Variants in ZYG11B observed in about 807,000 individuals in gnomAD.
The protein encoded by ZYG11B is zyg-11 family member B, cell cycle regulator.
A neutral mutation model predicts 82.4 loss-of-function variants in ZYG11B; 36 were observed. The observed-to-expected ratio is 0.44, with a 90% CI of 0.33 to 0.58. ZYG11B has a LOEUF of 0.58. Ranked by LOEUF, ZYG11B falls within the 20% of genes least tolerant of loss-of-function variation. The probability of loss-of-function intolerance (pLI) is 0.02; values close to 1 mark genes in which losing one functional copy is unlikely to be tolerated. For missense variants in ZYG11B, 552 were observed against 895.6 expected, an observed-to-expected ratio of 0.62 and a Z score of 4.90; for synonymous variants, 303 against 312.8, an observed-to-expected ratio of 0.97 and a Z score of 0.33.
At chr1:52,751,155 T>C (rs1396180211) in intron 1 of ZYG11B, among the ~76,000 whole-genome samples, 1 of 151,958 alleles carries the variant, frequency 6.6e-6, no homozygotes, top group African/African-American at 2.4e-5. Context: ...AATTTTTGTG[T>C]TTTTTGTAGA....
intron 8 of ZYG11B, among the ~76,000 whole-genome samples, chr1:52,797,395 A>AT (rs1491213859): frequency 1.2e-5 from 1 of 85,774 alleles, no homozygotes; most frequent in Non-Finnish European, 2.1e-5. Context: ...CATATATATC[A>AT]TATATGAAAT....
intron 1 of ZYG11B, among the ~76,000 whole-genome samples, chr1:52,747,865 T>C (rs1412132770): frequency 1.3e-5 from 2 of 152,172 alleles, no homozygotes; most frequent in African/African-American, 4.8e-5. Flanking sequence ...TCTGTAATCT[T>C]GAGCAAATTA....
At chr1:52,769,824 C>G (rs888227370) in intron 2 of ZYG11B, among the ~76,000 whole-genome samples, 3 of 152,146 alleles carry the variant, frequency 2.0e-5, no homozygotes, top group Non-Finnish European at 4.4e-5. Flanking sequence ...ATTTATTTAC[C>G]TGTCCTCAAC....
intron 6 of ZYG11B, 139 bp from the exon 7 acceptor site, chr1:52,796,153 T>A: frequency 1.8e-6 from 1 of 569,904 alleles, no homozygotes; most frequent in Non-Finnish European, 3.2e-6. Flanking sequence ...CTAAGTGTAA[T>A]TGTTACTCTC....
chr1:52,803,153 T>C (rs113161237), intron 10 of ZYG11B, among the ~76,000 whole-genome samples: 2,924 of 37,878 alleles, frequency 0.077, 181 homozygotes, highest in East Asian at 0.26. Context: ...TATATATATA[T>C]ACACATATAT....
At chr1:52,811,383 T>G (rs1206008845) in intron 10 of ZYG11B, among the ~76,000 whole-genome samples, 1 of 152,206 alleles carries the variant, frequency 6.6e-6, no homozygotes, top group African/African-American at 2.4e-5. Context: ...CTTCTCGACA[T>G]TATCCCACAG....
chr1:52,735,477 G>A (rs1644371515), intron 1 of ZYG11B, among the ~76,000 whole-genome samples: 2 of 152,160 alleles, frequency 1.3e-5, no homozygotes, highest in Non-Finnish European at 2.9e-5. Context: ...AAAAGAAATT[G>A]TATAGTAACT....
At chr1:52,751,999 A>G (rs1278662358) in intron 1 of ZYG11B, among the ~76,000 whole-genome samples, 1 of 151,280 alleles carries the variant, frequency 6.6e-6, no homozygotes, top group Non-Finnish European at 1.5e-5. Context: ...CAATTCTCCT[A>G]TTCTCAGCAG....
At chr1:52,815,761 C>T (rs1315092639) in intron 12 of ZYG11B, among the ~76,000 whole-genome samples, 1 of 151,934 alleles carries the variant, frequency 6.6e-6, no homozygotes, top group Non-Finnish European at 1.5e-5. Context: ...GGTGAAACCC[C>T]GTCTCTACTA....
chr1:52,797,445 T>TATCATATATAA (rs1645033946), intron 8 of ZYG11B, among the ~76,000 whole-genome samples: 1 of 108,404 alleles, frequency 9.2e-6, no homozygotes, highest in African/African-American at 3.6e-5. Context: ...AACATATATA[T>TATCATATATAA]TATATATCAT....
rs1291563833 is a variant in ZYG11B, at chr1:52,817,765, GTATATATATGTGTA to G, written c.2044+1146_2044+1159del. 1.1e-3 allele frequency among the ~76,000 whole-genome samples: 68 copies of G among 60,030 alleles called. 1 individual carries two copies. Among genetic ancestry groups the G allele is most frequent in the African/African-American group, 5.9e-3 (65 of 11,020 alleles). The allele number at this position is 60,030 out of a possible 152,430, so 39.4% of individuals were successfully genotyped here. ...CAGAACCACTTTAATAGTAAAGTGTGTATATATATGTGTATATATATATATATATATATATATAT... is the reference window on the plus strand; with the variant it reads ...CAGAACCACTTTAATAGTAAAGTGTGTATATATATATATATATATATATAT... On this transcript the variant is annotated intron_variant, in intron 13 of 13. Coordinates refer to ENST00000294353, the MANE Select transcript of ZYG11B (RefSeq NM_024646.3).
chr1:52,805,764 G>C (rs1645137008), intron 10 of ZYG11B, among the ~76,000 whole-genome samples: 1 of 152,156 alleles, frequency 6.6e-6, no homozygotes, highest in East Asian at 1.9e-4. Context: ...GGGAGGCAGA[G>C]GCTGCAGTGA....
At chr1:52,792,380 T>C (rs1275774741) in intron 6 of ZYG11B, among the ~76,000 whole-genome samples, 1 of 152,188 alleles carries the variant, frequency 6.6e-6, no homozygotes, top group Non-Finnish European at 1.5e-5. Flanking sequence ...GCACTTGAGA[T>C]AAAAACGGTA....
At chr1:52,729,407 A>C (rs896706612) in intron 1 of ZYG11B, among the ~76,000 whole-genome samples, 1 of 152,236 alleles carries the variant, frequency 6.6e-6, no homozygotes, top group Non-Finnish European at 1.5e-5. Context: ...TGCTTGTTAA[A>C]ACATATACAC....
At chr1:52,728,252 G>A (rs959582174) in intron 1 of ZYG11B, among the ~76,000 whole-genome samples, 1 of 152,178 alleles carries the variant, frequency 6.6e-6, no homozygotes, top group Non-Finnish European at 1.5e-5. Flanking sequence ...TACACAGAAA[G>A]AGTGAGTTTG....
intron 2 of ZYG11B, among the ~76,000 whole-genome samples, chr1:52,759,293 T>C (rs1644606639): frequency 6.6e-6 from 1 of 152,234 alleles, no homozygotes; most frequent in Non-Finnish European, 1.5e-5. Context: ...GAACAAATGC[T>C]AAGGCCTTAA....
chr1:52,759,724 C>G (rs1177110435), intron 2 of ZYG11B, among the ~76,000 whole-genome samples: 4 of 152,160 alleles, frequency 2.6e-5, no homozygotes, highest in African/African-American at 9.7e-5. Flanking sequence ...GTTGCCAGTT[C>G]TTGTCTCAAT....
chr1:52,772,681 T>A (rs1342032759), intron 3 of ZYG11B: 4 of 746,466 alleles, frequency 5.4e-6, no homozygotes, highest in Admixed American at 4.2e-5. Context: ...AAGGCTTGTT[T>A]TTTTTTTTTC....
chr1:52,768,521 C>T (rs1476702726), intron 2 of ZYG11B, among the ~76,000 whole-genome samples: 4 of 151,954 alleles, frequency 2.6e-5, no homozygotes, highest in Admixed American at 6.6e-5. Flanking sequence ...TTCCTAACCC[C>T]GTGATATGCT....
Sources: allele counts gnomAD v4.1 joint callset (sites outside exome capture counted in the v4.1 genomes callset), GRCh38; gene constraint gnomAD v4.1.1; transcripts MANE v1.5; gene names NCBI Gene and HGNC (gene_info 2026-07-23, HGNC 2026-07-21).